NME7: variants seen among roughly 807,000 people sequenced by gnomAD.
NME7 encodes nucleoside diphosphate kinase 7.
A neutral mutation model predicts 49.1 loss-of-function variants in NME7; 41 were observed. The ratio of observed to expected loss-of-function variants is 0.83; its 90% confidence interval spans 0.65 to 1.08. The LOEUF is 1.08. Among genes scored for constraint, NME7 ranks in the 50% least tolerant of loss-of-function variants. The pLI is 0.00. For missense variants in NME7, 423 were observed against 463.4 expected (o/e 0.91, Z 0.80); for synonymous variants, 139 against 150.6 (o/e 0.92, Z 0.56).
intron 7 of NME7, among the ~76,000 whole-genome samples, chr1:169,248,030 C>A (rs530678142): frequency 6.6e-6 from 1 of 152,218 alleles, no homozygotes; most frequent in Admixed American, 6.5e-5. Flanking sequence ...AATGACAGAT[C>A]TACTTTTAGT....
chr1:169,327,659 G>A (rs1652110668), intron 1 of NME7, among the ~76,000 whole-genome samples: 1 of 152,130 alleles, frequency 6.6e-6, no homozygotes, highest in Admixed American at 6.5e-5. Context: ...ATAAATATAT[G>A]TTATTGAGTG....
At chr1:169,259,524 G>C (rs1649096635) in intron 7 of NME7, among the ~76,000 whole-genome samples, 1 of 133,598 alleles carries the variant, frequency 7.5e-6, no homozygotes, top group African/African-American at 2.5e-5. Flanking sequence ...TGGATGGTAG[G>C]AGTAAGTGAT....
At chr1:169,337,209 G>C (rs1036034189) in intron 1 of NME7, among the ~76,000 whole-genome samples, 1 of 152,208 alleles carries the variant, frequency 6.6e-6, no homozygotes, top group South Asian at 2.1e-4. Flanking sequence ...TGCAGGTCCC[G>C]AGCCGTGCCC....
intron 6 of NME7, among the ~76,000 whole-genome samples, chr1:169,291,860 T>A (rs1308036468): frequency 1.3e-5 from 2 of 152,072 alleles, no homozygotes; most frequent in African/African-American, 4.8e-5. Flanking sequence ...GACACAATGC[T>A]ATTGCATTTA....
intron 10 of NME7, among the ~76,000 whole-genome samples, chr1:169,196,362 C>A (rs925667764): frequency 6.6e-6 from 1 of 152,282 alleles, no homozygotes; most frequent in Non-Finnish European, 1.5e-5. Flanking sequence ...TCTCAAAGCA[C>A]TCCCCATCTC....
chr1:169,324,383 G>A lies in NME7; in HGVS notation c.111+10C>T. 6.4e-7 allele frequency: 1 copy of A among 1,566,704 alleles called. No individual in the cohort carries two copies. The highest frequency in any genetic ancestry group is 8.8e-7 in the Non-Finnish European group (1 of 1,138,208). On this transcript the variant is annotated intron_variant, in intron 2 of 11. Transcript: ENST00000367811. ...TTTGCCAACATTCAAGCAAAGAAAG[G>A]CTTATTTACCATTTCAACAGATCCA...
intron 11 of NME7, among the ~76,000 whole-genome samples, chr1:169,150,927 AT>A (rs1471419091): frequency 6.6e-6 from 1 of 152,220 alleles, no homozygotes; most frequent in Non-Finnish European, 1.5e-5. Context: ...ATAAAACTTT[AT>A]TTATGGACAT....
chr1:169,303,420 C>A, intron 4 of NME7: 7 of 178,068 alleles, frequency 3.9e-5, no homozygotes, highest in East Asian at 1.4e-4. Flanking sequence ...GCAATGTTTA[C>A]TTTTCTACTT....
At chr1:169,323,835 CTTTTTTTTTTTTT>C (rs33970981) in intron 2 of NME7, among the ~76,000 whole-genome samples, 7 of 84,258 alleles carry the variant, frequency 8.3e-5, no homozygotes, top group African/African-American at 2.8e-4. Context: ...CCATTTCAGT[CTTTTTTTTTTTTT>C]TTTTTTTTTT....
chr1:169,190,903 C>G (rs1660206893), intron 10 of NME7, among the ~76,000 whole-genome samples: 1 of 84,226 alleles, frequency 1.2e-5, no homozygotes, highest in African/African-American at 3.7e-5. Context: ...AGCTCCGCCT[C>G]CCGGGTTCAC....
chr1:169,331,997 A>G (rs1407541987), intron 1 of NME7, among the ~76,000 whole-genome samples: 1 of 152,132 alleles, frequency 6.6e-6, no homozygotes, highest in Admixed American at 6.5e-5. Context: ...ACCACAAAAA[A>G]CTCAGAATAG....
intron 10 of NME7, among the ~76,000 whole-genome samples, chr1:169,227,676 T>C (rs1474602710): frequency 1.3e-5 from 2 of 152,070 alleles, no homozygotes; most frequent in Non-Finnish European, 2.9e-5. Context: ...ATAAAGCCAC[T>C]AGTCTCACCA....
At position 169,355,979 on chromosome 1, in the gene NME7, C is replaced by T. The variant is rs184033518; in HGVS notation, c.3+11729G>A. ...GAATAAAAGAGTCCACTGTTTTTGA[C>T]CCATAATTCTAGATTTTTCTCTAGA... is the stretch of plus-strand genomic sequence containing the variant. On this transcript the variant is annotated intron_variant, in intron 1 of 11. Coordinates refer to ENST00000367811, the MANE Select transcript of NME7 (RefSeq NM_013330.5). 5.3e-5 allele frequency among the ~76,000 whole-genome samples: 8 copies of T among 152,178 alleles called. No homozygotes were observed. The East Asian group carries it at 1.5e-3, about 29-fold the overall frequency.
In NME7 at chr1:169,190,131, C is replaced by G. The variant is rs921608170; in HGVS notation, c.991-20577G>C. Among the ~76,000 whole-genome samples the G allele has an allele frequency of 7.2e-5, 11 of 151,994 alleles. No homozygotes were observed. In the East Asian group the frequency reaches 1.9e-3, roughly 27 times the overall value. On this transcript the variant is annotated intron_variant, in intron 10 of 11. Coordinates refer to ENST00000367811, the MANE Select transcript of NME7 (RefSeq NM_013330.5). ...CAATTTTACCTCTAGAAATTAGTTC[C>G]AAGGTAAAAACTTGTACAAACATTT...
intron 6 of NME7, among the ~76,000 whole-genome samples, chr1:169,290,817 C>G (rs1389410528): frequency 1.3e-5 from 2 of 151,930 alleles, no homozygotes; most frequent in African/African-American, 4.8e-5. Context: ...AACACATTTA[C>G]AAGAAAAAAA....
chr1:169,259,523 G>A (rs1476192553), intron 7 of NME7, among the ~76,000 whole-genome samples: 1 of 133,692 alleles, frequency 7.5e-6, no homozygotes, highest in East Asian at 2.0e-4. Context: ...CTGGATGGTA[G>A]GAGTAAGTGA....
chr1:169,170,636 T>C (rs1659556627), intron 10 of NME7, among the ~76,000 whole-genome samples: 2 of 152,178 alleles, frequency 1.3e-5, no homozygotes, highest in South Asian at 2.1e-4. Flanking sequence ...CCTACTCAGC[T>C]GCGCGTGGTG....
At chr1:169,180,986 A>T (rs915406770) in intron 10 of NME7, among the ~76,000 whole-genome samples, 1 of 152,156 alleles carries the variant, frequency 6.6e-6, no homozygotes, top group African/African-American at 2.4e-5. Flanking sequence ...ACTTCTGAGC[A>T]ACATTCTACA....
At chr1:169,175,258 A>G (rs899057974) in intron 10 of NME7, among the ~76,000 whole-genome samples, 50 of 152,094 alleles carry the variant, frequency 3.3e-4, no homozygotes, top group Admixed American at 2.9e-3. Flanking sequence ...GAAGGTCTTT[A>G]GGGACAATAA....
Sources: allele counts gnomAD v4.1 joint callset (sites outside exome capture counted in the v4.1 genomes callset), GRCh38; gene constraint gnomAD v4.1.1; transcripts MANE v1.5; gene names NCBI Gene and HGNC (gene_info 2026-07-23, HGNC 2026-07-21).